The following PTPN13 variants were observed in gnomAD, a reference collection of about 807,000 sequenced individuals.
PTPN13 encodes tyrosine-protein phosphatase non-receptor type 13.
In PTPN13, 191 loss-of-function variants were observed where a neutral mutation model predicts 284.0. The observed-to-expected ratio is 0.67, with a 90% confidence interval of 0.60 to 0.76. The LOEUF (loss-of-function observed/expected upper bound fraction) is 0.76, where lower values mean the gene tolerates loss of function less well. Ranked by LOEUF, PTPN13 falls within the 30% of genes least tolerant of loss-of-function variation. PTPN13 has a pLI of 0.00. For missense variants in PTPN13, 2,797 were observed against 2,939.9 expected (o/e 0.95, Z 1.12); for synonymous variants, 986 against 1,022.3 (o/e 0.96, Z 0.68).
intron 26 of PTPN13, 82 bp downstream of exon 26, chr4:86,765,570 C>G: frequency 1.1e-6 from 1 of 937,056 alleles, no homozygotes; most frequent in Non-Finnish European, 1.6e-6. Flanking sequence ...GATAACTGAC[C>G]TTCAAATTCA....
At chr4:86,747,924 G>A (rs1024863154) in intron 17 of PTPN13, among the ~76,000 whole-genome samples, 6 of 152,134 alleles carry the variant, frequency 3.9e-5, no homozygotes, top group Admixed American at 6.5e-5. Context: ...AACCTTACAG[G>A]TCATTAAGTT....
intron 7 of PTPN13, among the ~76,000 whole-genome samples, chr4:86,704,149 A>AC (rs1731470346): frequency 6.6e-6 from 1 of 152,142 alleles, no homozygotes; most frequent in African/African-American, 2.4e-5. Flanking sequence ...GCGCCATTGC[A>AC]CCCCAGCCTA....
chr4:86,766,685 A>G, intron 27 of PTPN13, 168 bp downstream of exon 27: 1 of 454,642 alleles, frequency 2.2e-6, no homozygotes, highest in Non-Finnish European at 3.8e-6. Flanking sequence ...TTGAAATGCA[A>G]GTATTACAAG....
chr4:86,765,531 A>T (rs11725556), intron 26 of PTPN13, 43 bp downstream of exon 26: 1 of 1,319,772 alleles, frequency 7.6e-7, no homozygotes, highest in African/African-American at 1.5e-5. Flanking sequence ...TATGAATATT[A>T]CAACAAATAG....
At chr4:86,661,187 C>T in intron 2 of PTPN13, 1 of 405,744 alleles carries the variant, frequency 2.5e-6, no homozygotes, top group Non-Finnish European at 4.8e-6. Flanking sequence ...TATGACATAT[C>T]ACACAGATAA....
At position 86,732,776 on chromosome 4, in the gene PTPN13, C is replaced by T. The variant is rs1735087362; in HGVS notation, c.1858+10C>T. On this transcript the variant is annotated intron_variant, in intron 12 of 47. Coordinates refer to ENST00000411767, the MANE Select transcript of PTPN13 (RefSeq NM_080683.3). ...TTAGCTACCCTCAAAGGTACCAAGACATTTTATATTCAGAGTACAGTATAG... is the reference window on the plus strand; with the variant it reads ...TTAGCTACCCTCAAAGGTACCAAGATATTTTATATTCAGAGTACAGTATAG... The T allele has an allele frequency of 6.2e-7, 1 of 1,608,670 alleles. No homozygotes were observed.
At chr4:86,602,478 A>G (rs1020901395) in intron 1 of PTPN13, among the ~76,000 whole-genome samples, 5 of 144,550 alleles carry the variant, frequency 3.5e-5, no homozygotes. Context: ...TATTTGATTT[A>G]TAACAGTTTT....
chr4:86,705,062 G>C (rs944411431), intron 7 of PTPN13, among the ~76,000 whole-genome samples: 2 of 152,076 alleles, frequency 1.3e-5, no homozygotes, highest in Admixed American at 6.6e-5. Flanking sequence ...AAGGCTGGGC[G>C]CGGTGGCTGA....
At chr4:86,613,005 A>C (rs1720095419) in intron 1 of PTPN13, among the ~76,000 whole-genome samples, 1 of 152,256 alleles carries the variant, frequency 6.6e-6, no homozygotes, top group Admixed American at 6.5e-5. Flanking sequence ...TAATGATACC[A>C]AATGGATTTA....
At chr4:86,745,158 T>C in intron 17 of PTPN13, 30 bp downstream of exon 17, 2 of 1,564,560 alleles carry the variant, frequency 1.3e-6, no homozygotes, top group Non-Finnish European at 1.7e-6. Context: ...TTCAGATGAC[T>C]CCTGGGAATA....
rs374532715 is a variant in PTPN13, at chr4:86,788,452, T to C, written c.6345+2516T>C. 1.0e-3 allele frequency among the ~76,000 whole-genome samples: 153 copies of C among 152,318 alleles called. 1 individual carries two copies. Among genetic ancestry groups the C allele is most frequent in the African/African-American group, 3.5e-3 (144 of 41,574 alleles). On this transcript the variant is annotated intron_variant, in intron 40 of 47. Transcript: ENST00000411767. ...ACAGTATATTCTGTAACTTTGAAAG[T>C]TTTATCATGTGGCAAAAGTTAAGAT...
chr4:86,615,995 C>A (rs1303283581), intron 1 of PTPN13, among the ~76,000 whole-genome samples: 1 of 152,132 alleles, frequency 6.6e-6, no homozygotes, highest in South Asian at 2.1e-4. Flanking sequence ...CCTACATTGT[C>A]TGATGCAGTG....
At chr4:86,716,966 G>T (rs1578482835) in intron 8 of PTPN13, 58 bp from the exon 9 acceptor site, 4 of 1,218,704 alleles carry the variant, frequency 3.3e-6, no homozygotes, top group East Asian at 4.8e-5. Context: ...AGTTTTAAAT[G>T]AAATTACTCT....
At chr4:86,802,682 T>C (rs1744167093) in intron 42 of PTPN13, among the ~76,000 whole-genome samples, 1 of 152,180 alleles carries the variant, frequency 6.6e-6, no homozygotes, top group Admixed American at 6.5e-5. Context: ...ATTTAAAGAC[T>C]TTCCCTTTTG....
At chr4:86,628,843 T>C (rs1722141781) in intron 1 of PTPN13, among the ~76,000 whole-genome samples, 2 of 150,066 alleles carry the variant, frequency 1.3e-5, no homozygotes, top group South Asian at 4.3e-4. Context: ...CATCATTTTT[T>C]ATGGCTGCAT....
intron 40 of PTPN13, among the ~76,000 whole-genome samples, chr4:86,794,347 G>A (rs540098306): frequency 6.6e-6 from 1 of 152,224 alleles, no homozygotes; most frequent in African/African-American, 2.4e-5. Context: ...CGAGGGATGT[G>A]AAGGACCTCT....
At position 86,753,008 on chromosome 4, in the gene PTPN13, G is replaced by A. The variant is rs867260389; in HGVS notation, c.3167-1G>A. 6.2e-7 allele frequency: 1 copy of A among 1,600,484 alleles called. No individual in the cohort carries two copies. Among genetic ancestry groups the A allele is most frequent in the Non-Finnish European group, 8.5e-7 (1 of 1,170,430 alleles). ...TGTCTAATATTTAATTTATGCCACAGGAATGACTATGCATAGTTCTGGAAA... is the reference window on the plus strand; with the variant it reads ...TGTCTAATATTTAATTTATGCCACAAGAATGACTATGCATAGTTCTGGAAA... On this transcript the variant is annotated splice_acceptor_variant, in intron 19 of 47. Transcript: ENST00000411767. LOFTEE classifies it high-confidence loss of function.
chr4:86,700,379 C>T (rs1425600617), intron 6 of PTPN13, among the ~76,000 whole-genome samples: 3 of 151,608 alleles, frequency 2.0e-5, no homozygotes, highest in Non-Finnish European at 4.4e-5. Context: ...CAGTAGTGGC[C>T]ATATATATGC....
At chr4:86,605,749 C>T (rs1764688290) in intron 1 of PTPN13, among the ~76,000 whole-genome samples, 1 of 151,040 alleles carries the variant, frequency 6.6e-6, no homozygotes, top group Non-Finnish European at 1.5e-5. Flanking sequence ...ATAATTTACA[C>T]TTAGTGATAG....
Sources: allele counts gnomAD v4.1 joint callset (sites outside exome capture counted in the v4.1 genomes callset), GRCh38; gene constraint gnomAD v4.1.1; transcripts MANE v1.5; gene names NCBI Gene and HGNC (gene_info 2026-07-23, HGNC 2026-07-21).